The following DNAH11 variants were observed in gnomAD, a reference collection of about 807,000 sequenced individuals.
The protein encoded by DNAH11 is axonemal beta dynein heavy chain 11.
DNAH11 carries 442 observed loss-of-function variants against 526.0 expected under a neutral mutation model. That is an observed-to-expected ratio of 0.84 (90% CI 0.78 to 0.91). The LOEUF (loss-of-function observed/expected upper bound fraction) is 0.91, where lower values mean the gene tolerates loss of function less well. Among genes scored for constraint, DNAH11 ranks in the 40% least tolerant of loss-of-function variants. The pLI, the probability that DNAH11 is intolerant of heterozygous loss-of-function variation, is 0.00. For missense variants in DNAH11, 6,989 were observed against 5,448.7 expected (o/e 1.28, Z -8.90); for synonymous variants, 2,461 against 1,935.9 (o/e 1.27, Z -7.12).
chr7:21,820,046 C>T (rs16873002), intron 65 of DNAH11, among the ~76,000 whole-genome samples: 8,012 of 152,266 alleles, frequency 0.053, 322 homozygotes, highest in African/African-American at 0.1. Flanking sequence ...GGAACAACCA[C>T]TTGTTTGAGG....
At chr7:21,549,246 A>G (rs1462634151) in intron 2 of DNAH11, among the ~76,000 whole-genome samples, 2 of 152,160 alleles carry the variant, frequency 1.3e-5, no homozygotes, top group African/African-American at 4.8e-5. Context: ...AACACAGTGC[A>G]TTTCTTTAGG....
intron 45 of DNAH11, among the ~76,000 whole-genome samples, chr7:21,731,652 A>T (rs1210008659): frequency 5.3e-5 from 8 of 152,216 alleles, no homozygotes; most frequent in Admixed American, 5.2e-4. Context: ...TTGCTTTCTG[A>T]GGTTTTGGTT....
chr7:21,851,707 A>T, intron 66 of DNAH11: 1 of 469,002 alleles, frequency 2.1e-6, no homozygotes. Context: ...TTCAAGCTCT[A>T]CTTGCATGTC....
chr7:21,569,961 C>T (rs1783821044), intron 6 of DNAH11, 108 bp from the exon 7 acceptor site: 2 of 891,218 alleles, frequency 2.2e-6, no homozygotes, highest in African/African-American at 1.7e-5. Flanking sequence ...CATTGCTGGC[C>T]CAACTTTAGA....
chr7:21,783,834 A>G (rs893733584), intron 57 of DNAH11, among the ~76,000 whole-genome samples: 38 of 152,188 alleles, frequency 2.5e-4, no homozygotes, highest in African/African-American at 7.0e-4. Context: ...GGGCTCTTGC[A>G]TCTCTGGTTT....
At chr7:21,660,789 G>T (rs1384559193) in intron 30 of DNAH11, among the ~76,000 whole-genome samples, 2 of 151,790 alleles carry the variant, frequency 1.3e-5, no homozygotes, top group African/African-American at 4.8e-5. Flanking sequence ...CTATGTATCT[G>T]TGTCTATAGA....
At chr7:21,869,780 G>T (rs1335488213) in intron 73 of DNAH11, among the ~76,000 whole-genome samples, 1 of 152,200 alleles carries the variant, frequency 6.6e-6, no homozygotes, top group East Asian at 1.9e-4. Flanking sequence ...GTAAATTATA[G>T]GGGTTTGAGT....
intron 52 of DNAH11, 142 bp downstream of exon 52, chr7:21,748,884 A>G: frequency 2.6e-6 from 2 of 769,336 alleles, no homozygotes; most frequent in South Asian, 3.5e-5. Context: ...TCTTTAAAGC[A>G]GTAATTGACC....
chr7:21,631,879 G>C (rs1786628726), intron 25 of DNAH11, among the ~76,000 whole-genome samples: 1 of 152,244 alleles, frequency 6.6e-6, no homozygotes, highest in African/African-American at 2.4e-5. Flanking sequence ...CAGTGCCCCA[G>C]TTGGGACTTT....
At chr7:21,896,189 A>G (rs1008160259) in intron 79 of DNAH11, among the ~76,000 whole-genome samples, 3 of 151,994 alleles carry the variant, frequency 2.0e-5, no homozygotes, top group Non-Finnish European at 2.9e-5. Context: ...AATATACTGT[A>G]CTGATTTCTT....
intron 8 of DNAH11, among the ~76,000 whole-genome samples, chr7:21,574,598 C>G (rs140706591): frequency 7.5e-6 from 1 of 133,406 alleles, no homozygotes; most frequent in East Asian, 2.2e-4. Context: ...GAGTCTCACT[C>G]TGTCGCCCAG....
intron 62 of DNAH11, among the ~76,000 whole-genome samples, chr7:21,802,952 T>C (rs1038561213): frequency 6.7e-6 from 1 of 149,862 alleles, no homozygotes; most frequent in Non-Finnish European, 1.5e-5. Context: ...ATATATAATA[T>C]ATATATATAA....
chr7:21,584,589 G>T (rs1202317008), intron 9 of DNAH11, among the ~76,000 whole-genome samples: 1 of 151,972 alleles, frequency 6.6e-6, no homozygotes, highest in Non-Finnish European at 1.5e-5. Context: ...AAAAATTCAT[G>T]AGGATCAAAT....
chr7:21,819,344 A>G (rs923016665), intron 65 of DNAH11, among the ~76,000 whole-genome samples: 13 of 152,274 alleles, frequency 8.5e-5, no homozygotes, highest in Admixed American at 2.0e-4. Flanking sequence ...ACTGATTAGT[A>G]TGGTATTTAT....
chr7:21,661,121 A>C (rs1445212800), intron 30 of DNAH11, among the ~76,000 whole-genome samples: 1 of 152,036 alleles, frequency 6.6e-6, no homozygotes, highest in Non-Finnish European at 1.5e-5. Context: ...GAATCTTAGG[A>C]TCATTTATTC....
At chr7:21,586,820 A>G (rs1784492846) in intron 9 of DNAH11, among the ~76,000 whole-genome samples, 1 of 152,244 alleles carries the variant, frequency 6.6e-6, no homozygotes, top group African/African-American at 2.4e-5. Context: ...AACATATTAT[A>G]AAGCCCACAC....
At chr7:21,647,427 C>CTTTTTTTTT (rs71026810) in intron 28 of DNAH11, among the ~76,000 whole-genome samples, 11 of 121,242 alleles carry the variant, frequency 9.1e-5, no homozygotes, top group Non-Finnish European at 1.2e-4. Context: ...TTCTTTCTTT[C>CTTTTTTTTT]TTTTTTTTTT....
In DNAH11 at chr7:21,586,237, TATG is replaced by T. The variant is rs561041857; in HGVS notation, c.1711-1824_1711-1822del. ...CTGGTATTCTTTCCATTGTGGTCAATATGATAAGTTTTTACAAAATAATGTTGT... is the reference window on the plus strand; with the variant it reads ...CTGGTATTCTTTCCATTGTGGTCAATATAAGTTTTTACAAAATAATGTTGT... On this transcript the variant is annotated intron_variant, in intron 9 of 81. Transcript: ENST00000409508. Among the ~76,000 whole-genome samples the T allele has an allele frequency of 2.4e-3, 370 of 152,336 alleles. 2 individuals carry two copies. Among genetic ancestry groups the T allele is most frequent in the Non-Finnish European group, 4.1e-3 (278 of 68,034 alleles).
At chr7:21,637,164 C>T (rs75548687) in intron 26 of DNAH11, among the ~76,000 whole-genome samples, 24 of 151,852 alleles carry the variant, frequency 1.6e-4, no homozygotes, top group South Asian at 1.5e-3. Flanking sequence ...AGATTCTGGG[C>T]GCTCTCTCAT....
Sources: gnomAD v4.1 joint callset for allele counts (sites outside exome capture counted in the v4.1 genomes callset) on GRCh38, gnomAD v4.1.1 for gene constraint, MANE v1.5 for transcripts, NCBI Gene and HGNC (gene_info 2026-07-23, HGNC 2026-07-21) for gene names.